MGAT4C: variants seen among roughly 807,000 people sequenced by gnomAD.
MGAT4C encodes the protein MGAT4 family member C.
In MGAT4C, 19 loss-of-function variants were observed where a neutral mutation model predicts 40.1. The ratio of observed to expected loss-of-function variants is 0.47; its 90% CI spans 0.33 to 0.70. The LOEUF (loss-of-function observed/expected upper bound fraction) is 0.70. MGAT4C is among the 30% of genes least tolerant of loss of function. The probability of loss-of-function intolerance (pLI) is 0.02; values close to 1 mark genes in which losing one functional copy is unlikely to be tolerated. For missense variants in MGAT4C, 491 were observed against 563.2 expected, an observed-to-expected ratio of 0.87 and a Z score of 1.30; for synonymous variants, 181 against 187.1, an observed-to-expected ratio of 0.97 and a Z score of 0.27.
intron 2 of MGAT4C, among the ~76,000 whole-genome samples, chr12:86,489,635 CCTGCTGG>C (rs1958092888): frequency 6.6e-6 from 1 of 152,222 alleles, no homozygotes; most frequent in Non-Finnish European, 1.5e-5. Context: ...AAGTTTAACT[CCTGCTGG>C]CACTGAAGCT....
chr12:86,454,254 G>T (rs1198189153), intron 2 of MGAT4C, among the ~76,000 whole-genome samples: 4 of 151,738 alleles, frequency 2.6e-5, no homozygotes, highest in Non-Finnish European at 1.5e-5. Context: ...TTAAGACAGG[G>T]TCTCACCCTG....
intron 3 of MGAT4C, among the ~76,000 whole-genome samples, chr12:86,344,716 C>T (rs925305949): frequency 2.6e-4 from 24 of 94,106 alleles, no homozygotes; most frequent in South Asian, 4.0e-4. Flanking sequence ...TATCTCTTCT[C>T]GGTGTGTGTG....
chr12:86,692,923 G>A (rs1328511182), intron 2 of MGAT4C, among the ~76,000 whole-genome samples: 7 of 152,130 alleles, frequency 4.6e-5, no homozygotes, highest in Non-Finnish European at 7.4e-5. Context: ...AGGGGAATAT[G>A]AAGTTGTGAT....
chr12:86,557,356 G>A (rs1959659372), intron 2 of MGAT4C, among the ~76,000 whole-genome samples: 1 of 152,052 alleles, frequency 6.6e-6, no homozygotes. Context: ...AGTCGCTTGG[G>A]GTCCTGGGGT....
intron 1 of MGAT4C, among the ~76,000 whole-genome samples, chr12:86,758,266 G>T (rs572144174): frequency 1.9e-4 from 29 of 151,988 alleles, no homozygotes; most frequent in Admixed American, 1.7e-3. Flanking sequence ...GACCAAGTTG[G>T]CAGGTTATCA....
chr12:86,133,073 A>G (rs962685823), intron 1 of MGAT4C, among the ~76,000 whole-genome samples: 2 of 152,202 alleles, frequency 1.3e-5, no homozygotes, highest in South Asian at 2.1e-4. Context: ...TCCTGTGTCT[A>G]GAAGAAGTAC....
chr12:86,774,285 T>TTCTC (rs1491313447), intron 1 of MGAT4C, among the ~76,000 whole-genome samples: 2 of 18,240 alleles, frequency 1.1e-4, no homozygotes, highest in Non-Finnish European at 1.8e-4. Context: ...GGCTTGCTCT[T>TTCTC]TCTTTCTTTC....
rs117334236 is a variant in MGAT4C at position 86,181,477 on chromosome 12, T to C, written c.-57+74762A>G. Among the ~76,000 whole-genome samples, 383 of 152,306 alleles carry C rather than the reference T, an allele frequency of 2.5e-3. 1 individual carries two copies. Among genetic ancestry groups the C allele is most frequent in the Middle Eastern group, 0.01 (3 of 294 alleles). On this transcript the variant is annotated intron_variant, in intron 1 of 4. Transcript: ENST00000611864. ...CAGTCAATTAGCATATTAAACTATA[T>C]AGTATATAAAACTATTCATTATAGT... is the stretch of plus-strand genomic sequence containing the variant.
intron 3 of MGAT4C, among the ~76,000 whole-genome samples, chr12:86,365,085 G>A (rs940869004): frequency 9.9e-5 from 15 of 151,990 alleles, no homozygotes; most frequent in Non-Finnish European, 2.1e-4. Flanking sequence ...CTACAGCTTC[G>A]ACCATAAAAG....
Position 86,362,562 on chromosome 12 carries a change from G to A in MGAT4C, c.-119-28435C>T, listed in dbSNP as rs541279052. ...AAAACAAGAATAATAAAAAGATCCA[G>A]TCATATATTTTATAAGAAAAATACT... is the stretch of plus-strand genomic sequence containing the variant. On this transcript the variant is annotated intron_variant, in intron 3 of 7. Coordinates refer to the MGAT4C transcript ENST00000548651. 3.3e-5 allele frequency among the ~76,000 whole-genome samples: 5 copies of A among 152,200 alleles called. No individual in the cohort carries two copies. In the East Asian group the frequency reaches 9.7e-4, roughly 29 times the overall value.
intron 3 of MGAT4C, among the ~76,000 whole-genome samples, chr12:86,428,928 T>C (rs1346457447): frequency 6.6e-6 from 1 of 152,136 alleles, no homozygotes; most frequent in African/African-American, 2.4e-5. Flanking sequence ...TCTCTTGTGT[T>C]GCTTTTCTAG....
chr12:86,539,729 G>A (rs1000751119), intron 2 of MGAT4C, among the ~76,000 whole-genome samples: 1 of 152,142 alleles, frequency 6.6e-6, no homozygotes, highest in Non-Finnish European at 1.5e-5. Flanking sequence ...GGTGTGAGAT[G>A]GTATCTCATT....
chr12:86,208,050 C>T (rs1950326010), intron 1 of MGAT4C, among the ~76,000 whole-genome samples: 1 of 152,186 alleles, frequency 6.6e-6, no homozygotes, highest in Non-Finnish European at 1.5e-5. Flanking sequence ...CTTGACTAAA[C>T]TTTAGATAAG....
At chr12:86,748,034 C>T (rs1194285458) in intron 1 of MGAT4C, among the ~76,000 whole-genome samples, 1 of 151,570 alleles carries the variant, frequency 6.6e-6, no homozygotes, top group Non-Finnish European at 1.5e-5. Context: ...AGGAACCAAG[C>T]CCTGTTTAAC....
Position 85,962,153 on chromosome 12 carries a change from A to G in MGAT4C, c.*17136T>C, listed in dbSNP as rs1483454050. 6.6e-6 allele frequency: 1 copy of G among 151,834 alleles called. No individual in the cohort carries two copies. Among genetic ancestry groups the G allele is most frequent in the African/African-American group, 2.4e-5 (1 of 41,432 alleles). 9.4% of individuals were successfully genotyped at this position (151,834 alleles called of 1,614,324 possible). A position where few individuals can be genotyped will look rare whatever the true frequency, so the allele number is the denominator to read the frequency against. ...ATGTGCTCTAGCTAGTGTGCACGAAAGAGAACATGGAGTTAGAATAATTAT... is the reference window on the plus strand; with the variant it reads ...ATGTGCTCTAGCTAGTGTGCACGAAGGAGAACATGGAGTTAGAATAATTAT... On this transcript the variant is annotated 3_prime_UTR_variant, in exon 5 of 5. Coordinates refer to ENST00000611864, the MANE Select transcript of MGAT4C (RefSeq NM_001351288.2).
chr12:86,419,375 T>C (rs1956779305), intron 3 of MGAT4C, among the ~76,000 whole-genome samples: 1 of 151,586 alleles, frequency 6.6e-6, no homozygotes, highest in African/African-American at 2.4e-5. Context: ...CTCTTTGAGA[T>C]ATACATACAT....
rs747852655 is a variant in MGAT4C, at chr12:86,035,488, A to G, written c.-7+14186T>C. Among the ~76,000 whole-genome samples, 58 of 150,006 alleles carry G rather than the reference A, an allele frequency of 3.9e-4. 4 individuals carry two copies. The highest frequency in any genetic ancestry group is 7.6e-4 in the Non-Finnish European group (51 of 66,898). ...ATTCTGGATATTAGCCCTTTGTCAG[A>G]TGAATAGATTGCAAACATTTTCTCC... On this transcript the variant is annotated intron_variant, in intron 2 of 4. Coordinates refer to ENST00000611864, the MANE Select transcript of MGAT4C (RefSeq NM_001351288.2).
chr12:86,440,795 A>G (rs1271792224), intron 2 of MGAT4C, among the ~76,000 whole-genome samples: 2 of 152,252 alleles, frequency 1.3e-5, no homozygotes, highest in South Asian at 2.1e-4. Flanking sequence ...TACAATATCA[A>G]TATACACAAA....
chr12:86,739,819 C>T (rs1054993751), intron 1 of MGAT4C, among the ~76,000 whole-genome samples: 2 of 149,902 alleles, frequency 1.3e-5, no homozygotes, highest in Non-Finnish European at 3.0e-5. Context: ...TGTGTGTGTG[C>T]GTGTGTGTGT....
Sources: gnomAD v4.1 joint callset for allele counts (sites outside exome capture counted in the v4.1 genomes callset) on GRCh38, gnomAD v4.1.1 for gene constraint, MANE v1.5 for transcripts, NCBI Gene and HGNC (gene_info 2026-07-23, HGNC 2026-07-21) for gene names.